TAB2: variants seen among roughly 807,000 people sequenced by gnomAD.
TAB2 encodes the protein TGF-beta activated kinase 1 (MAP3K7) binding protein 2.
TAB2 carries 3 observed loss-of-function variants against 65.0 expected under a neutral mutation model. The ratio of observed to expected loss-of-function variants is 0.05; its 90% CI spans 0.02 to 0.12. The LOEUF (loss-of-function observed/expected upper bound fraction) is 0.12, where lower values mean the gene tolerates loss of function less well. Ranked by LOEUF, TAB2 falls within the 10% of genes least tolerant of loss-of-function variation. The pLI is 1.00. For synonymous variants in TAB2, 298 were observed against 285.1 expected, an observed-to-expected ratio of 1.05 and a Z score of -0.46; for missense variants, 623 against 840.3, an observed-to-expected ratio of 0.74 and a Z score of 3.20.
At chr6:149,305,148 G>A (rs1240869549) in intron 1 of TAB2, among the ~76,000 whole-genome samples, 1 of 152,164 alleles carries the variant, frequency 6.6e-6, no homozygotes, top group Non-Finnish European at 1.5e-5. Flanking sequence ...GATACAGAGA[G>A]CCGACTGTAC....
intron 1 of TAB2, among the ~76,000 whole-genome samples, chr6:149,362,401 G>T (rs1488753048): frequency 6.6e-6 from 1 of 152,164 alleles, no homozygotes; most frequent in Non-Finnish European, 1.5e-5. Context: ...GCAAGAGACA[G>T]GAGGTGCCAC....
At chr6:149,292,746 A>T (rs930548482) in intron 1 of TAB2, among the ~76,000 whole-genome samples, 3 of 152,236 alleles carry the variant, frequency 2.0e-5, no homozygotes, top group African/African-American at 7.2e-5. Context: ...AGTTTCTAAA[A>T]TTAATATACT....
intron 1 of TAB2, among the ~76,000 whole-genome samples, chr6:149,229,651 A>G (rs1777361679): frequency 6.6e-6 from 1 of 152,146 alleles, no homozygotes; most frequent in African/African-American, 2.4e-5. Flanking sequence ...GTGGTGATCC[A>G]GCAGGGCCGG....
intron 2 of TAB2, among the ~76,000 whole-genome samples, chr6:149,376,377 G>T (rs1333679760): frequency 6.6e-6 from 1 of 152,046 alleles, no homozygotes. Context: ...AAACTCCTTT[G>T]TTATTTAATT....
chr6:149,308,615 G>A (rs111574019), intron 1 of TAB2, among the ~76,000 whole-genome samples: 4,054 of 151,784 alleles, frequency 0.027, 75 homozygotes, highest in Middle Eastern at 0.044. Flanking sequence ...CGTAACCTCC[G>A]CCTCCCAGGT....
chr6:149,365,058 G>A (rs1293059358), intron 1 of TAB2, among the ~76,000 whole-genome samples: 1 of 152,002 alleles, frequency 6.6e-6, no homozygotes. Flanking sequence ...CTACTATTTA[G>A]AAGGAATTAA....
intron 1 of TAB2, among the ~76,000 whole-genome samples, chr6:149,352,299 A>G (rs1780516971): frequency 6.6e-6 from 1 of 152,118 alleles, no homozygotes; most frequent in African/African-American, 2.4e-5. Flanking sequence ...GGTGATCCAT[A>G]TGTGTTTATT....
chr6:149,395,018 A>T (rs1171440995), intron 3 of TAB2, among the ~76,000 whole-genome samples: 2 of 152,264 alleles, frequency 1.3e-5, no homozygotes, highest in East Asian at 3.8e-4. Flanking sequence ...GATTTGGCCC[A>T]TGGGCCATAG....
chr6:149,380,116 TG>T (rs1316325900), intron 3 of TAB2: 3 of 317,584 alleles, frequency 9.4e-6, no homozygotes, highest in African/African-American at 4.5e-5. Context: ...GGCACACACC[TG>T]TAGTCCCAGT....
At chr6:149,300,429 C>T (rs764210677) in intron 1 of TAB2, among the ~76,000 whole-genome samples, 1 of 152,130 alleles carries the variant, frequency 6.6e-6, no homozygotes, top group Non-Finnish European at 1.5e-5. Context: ...TCAGTTTCTG[C>T]ACAGATAAAA....
chr6:149,407,308 AT>A (rs1316726307), intron 6 of TAB2, among the ~76,000 whole-genome samples: 2 of 152,156 alleles, frequency 1.3e-5, no homozygotes, highest in Non-Finnish European at 2.9e-5. Context: ...AAAAATAAGA[AT>A]TTTTTCTTAT....
intron 1 of TAB2, among the ~76,000 whole-genome samples, chr6:149,256,212 C>A (rs1486755080): frequency 2.6e-5 from 4 of 152,124 alleles, no homozygotes; most frequent in Non-Finnish European, 5.9e-5. Flanking sequence ...TACAATAATT[C>A]ATCTTAAAAT....
At chr6:149,397,451 A>T (rs1458796115) in intron 3 of TAB2, among the ~76,000 whole-genome samples, 153 bp from the exon 4 acceptor site, 1 of 152,198 alleles carries the variant, frequency 6.6e-6, no homozygotes, top group Admixed American at 6.5e-5. Context: ...CAAAAAAAAA[A>T]AAAAATTGAA....
intron 3 of TAB2, among the ~76,000 whole-genome samples, chr6:149,385,301 GTTTAAC>G (rs1179966146): frequency 6.6e-6 from 1 of 152,128 alleles, no homozygotes; most frequent in African/African-American, 2.4e-5. Flanking sequence ...CTTGTACTTT[GTTTAAC>G]TTTATGTATC....
chr6:149,332,732 G>T (rs1320033334), intron 1 of TAB2, among the ~76,000 whole-genome samples: 1 of 152,082 alleles, frequency 6.6e-6, no homozygotes, highest in Admixed American at 6.6e-5. Context: ...AAATAAAGAT[G>T]AAAAACAGGA....
intron 3 of TAB2, among the ~76,000 whole-genome samples, chr6:149,389,893 T>C (rs976742696): frequency 1.3e-5 from 2 of 152,216 alleles, no homozygotes; most frequent in Non-Finnish European, 2.9e-5. Context: ...TATGCTAAAA[T>C]GACTAAAATT....
At chr6:149,287,113 T>A (rs532549179) in intron 1 of TAB2, among the ~76,000 whole-genome samples, 14 of 152,018 alleles carry the variant, frequency 9.2e-5, no homozygotes, top group Admixed American at 6.5e-4. Context: ...CAAGACTCCA[T>A]CTCAAAAACG....
At chr6:149,391,955 G>T (rs1270870329) in intron 3 of TAB2, among the ~76,000 whole-genome samples, 4 of 151,968 alleles carry the variant, frequency 2.6e-5, no homozygotes, top group African/African-American at 9.7e-5. Context: ...CTAGTTCTCT[G>T]ATTCCTTTTC....
At position 149,400,157 on chromosome 6, in the gene TAB2, AAGG is replaced by A. The variant is rs1161516174; in HGVS notation, c.1939+976_1939+978del. Reference sequence around the variant, plus strand: ...GAAATGGATTAAACTCACCACTCACAAGGAGTTGTATGAATGGATTTTAAAAAC... The same window carrying A: ...GAAATGGATTAAACTCACCACTCACAAGTTGTATGAATGGATTTTAAAAAC... On this transcript the variant is annotated intron_variant, in intron 6 of 6. Transcript: ENST00000637181. 1.5e-4 allele frequency: 84 copies of A among 547,506 alleles called. 1 individual carries two copies. Among genetic ancestry groups the A allele is most frequent in the Admixed American group, 6.7e-5 (2 of 29,820 alleles). 33.9% of individuals were successfully genotyped at this position (547,506 alleles called of 1,614,324 possible). A position where few individuals can be genotyped will look rare whatever the true frequency, so the allele number is the denominator to read the frequency against.
Sources: allele counts gnomAD v4.1 joint callset (sites outside exome capture counted in the v4.1 genomes callset), GRCh38; gene constraint gnomAD v4.1.1; transcripts MANE v1.5; gene names NCBI Gene and HGNC (gene_info 2026-07-23, HGNC 2026-07-21).